The following SHCBP1 variants were observed in gnomAD, a reference collection of about 807,000 sequenced individuals.
SHCBP1 encodes the protein SHC SH2 domain-binding protein 1.
SHCBP1 carries 60 observed loss-of-function variants against 75.1 expected under a neutral mutation model. That is an observed-to-expected ratio of 0.80 (90% CI 0.65 to 0.99). The LOEUF (loss-of-function observed/expected upper bound fraction) is 0.99, where lower values mean the gene tolerates loss of function less well. Ranked by LOEUF, SHCBP1 falls within the 50% of genes least tolerant of loss-of-function variation. SHCBP1 has a pLI of 0.00. For missense variants in SHCBP1, 709 were observed against 809.4 expected (o/e 0.88, Z 1.50); for synonymous variants, 290 against 293.2 (o/e 0.99, Z 0.11).
intron 4 of SHCBP1, among the ~76,000 whole-genome samples, chr16:46,612,330 AG>A (rs1225209379): frequency 6.6e-6 from 1 of 152,242 alleles, no homozygotes; most frequent in Non-Finnish European, 1.5e-5. Flanking sequence ...CTGAGACACC[AG>A]GAAGTATAGA....
intron 12 of SHCBP1, among the ~76,000 whole-genome samples, 196 bp from the exon 13 acceptor site, chr16:46,582,250 T>C (rs894700480): frequency 6.6e-6 from 1 of 152,144 alleles, no homozygotes; most frequent in Non-Finnish European, 1.5e-5. Flanking sequence ...TCAACAGACA[T>C]TTCCTGGATA....
chr16:46,613,753 C>G lies in SHCBP1; in HGVS notation c.596+2193G>C, dbSNP rs1965454069. Among the ~76,000 whole-genome samples the G allele has an allele frequency of 3.3e-5, 5 of 152,226 alleles. No homozygotes were observed. The South Asian group carries it at 1.0e-3, about 31-fold the overall frequency. ...TATTTCATCAAGGCTCATCTCCCACCTTTAGACTGACAGCTCCCTGATGAT... is the reference window on the plus strand; with the variant it reads ...TATTTCATCAAGGCTCATCTCCCACGTTTAGACTGACAGCTCCCTGATGAT... On this transcript the variant is annotated intron_variant, in intron 4 of 12. Transcript: ENST00000303383.
At chr16:46,599,117 CT>C (rs1965188687) in intron 9 of SHCBP1, among the ~76,000 whole-genome samples, 1 of 152,200 alleles carries the variant, frequency 6.6e-6, no homozygotes, top group South Asian at 2.1e-4. Context: ...GACTGTTTCA[CT>C]TTCTTATCAT....
Position 46,621,374 on chromosome 16 carries a change from G to T in SHCBP1, c.-15C>A, listed in dbSNP as rs750302397. On this transcript the variant is annotated 5_prime_UTR_variant, in exon 1 of 13. Transcript: ENST00000303383. ...CCGTCAGCCATTTCAAATTTCCGCGGACGGCAGCCCAGGCAACGACGTGAT... is the reference window on the plus strand; with the variant it reads ...CCGTCAGCCATTTCAAATTTCCGCGTACGGCAGCCCAGGCAACGACGTGAT... The T allele has an allele frequency of 1.3e-5, 21 of 1,609,886 alleles. No individual in the cohort carries two copies. In the South Asian group the frequency reaches 2.3e-4, roughly 18 times the overall value.
At chr16:46,602,276 C>T (rs1965252003) in intron 8 of SHCBP1, among the ~76,000 whole-genome samples, 1 of 152,084 alleles carries the variant, frequency 6.6e-6, no homozygotes, top group African/African-American at 2.4e-5. Flanking sequence ...ATCTATTATA[C>T]ATCAAAAATT....
At chr16:46,599,669 TAAAAAA>T (rs1555519115) in intron 9 of SHCBP1, among the ~76,000 whole-genome samples, 156 bp downstream of exon 9, 3 of 23,136 alleles carry the variant, frequency 1.3e-4, no homozygotes, top group East Asian at 1.4e-3. Context: ...CTTCAATTTG[TAAAAAA>T]AAAAAAAAAA....
intron 8 of SHCBP1, among the ~76,000 whole-genome samples, chr16:46,602,098 T>C (rs1965247774): frequency 6.6e-6 from 1 of 152,184 alleles, no homozygotes; most frequent in Admixed American, 6.5e-5. Flanking sequence ...GCATTCTATA[T>C]GTCCATTTAT....
chr16:46,580,454 T>C lies in SHCBP1; in HGVS notation c.*1275A>G, dbSNP rs1227823736. The C allele has an allele frequency of 6.6e-6, 1 of 152,180 alleles. No individual in the cohort carries two copies. Among genetic ancestry groups the C allele is most frequent in the Admixed American group, 6.5e-5 (1 of 15,274 alleles). The allele number at this position is 152,180 out of a possible 1,614,324, so 9.4% of individuals were successfully genotyped here. ...AAAATGTAATACTCTTTCTAAAGCA[T>C]GAAAACAGATACCAAAATACCATGT... On this transcript the variant is annotated 3_prime_UTR_variant, in exon 13 of 13. Transcript: ENST00000303383.
intron 10 of SHCBP1, among the ~76,000 whole-genome samples, chr16:46,589,714 A>T (rs1596672006): frequency 6.6e-6 from 1 of 152,242 alleles, no homozygotes; most frequent in South Asian, 2.1e-4. Context: ...ATGGATAGGA[A>T]GAATCAATAT....
intron 1 of SHCBP1, among the ~76,000 whole-genome samples, chr16:46,618,899 A>C (rs762156921): frequency 6.6e-6 from 1 of 152,256 alleles, no homozygotes; most frequent in Non-Finnish European, 1.5e-5. Context: ...GCCAGTGATA[A>C]TAATCAAGTA....
intron 4 of SHCBP1, among the ~76,000 whole-genome samples, chr16:46,609,640 G>C (rs1167653480): frequency 2.0e-5 from 3 of 151,404 alleles, no homozygotes; most frequent in Non-Finnish European, 4.4e-5. Context: ...TTAGTAGAGA[G>C]GCATTTTGCC....
At chr16:46,595,438 G>A in intron 10 of SHCBP1, 114 bp downstream of exon 10, 1 of 843,158 alleles carries the variant, frequency 1.2e-6, no homozygotes, top group Non-Finnish European at 2.0e-6. Context: ...TGACTTGGTA[G>A]AGATGACTGT....
At position 46,581,944 on chromosome 16, in the gene SHCBP1, T is replaced by G; in HGVS notation, c.1804A>C (p.Thr602Pro). 1 of 1,614,210 alleles carries G rather than the reference T, an allele frequency of 6.2e-7. No individual in the cohort carries two copies. Among genetic ancestry groups the G allele is most frequent in the Non-Finnish European group, 8.5e-7 (1 of 1,180,030 alleles). Residue 602 changes from threonine (T) to proline (P), a missense_variant, in exon 13 of 13, where the codon ACT becomes CCT. Transcript: ENST00000303383. ...ATGKMELCARTDPSEQVEGNC... is the reference protein window; with the variant it reads ...ATGKMELCARPDPSEQVEGNC... ...CCCTCGACTTGCTCAGAAGGGTCAG[T>G]TCTTGCACAAAGCTCCATTTTACCA...
chr16:46,605,982 C>CA (rs1340490253), intron 5 of SHCBP1, among the ~76,000 whole-genome samples: 19 of 149,506 alleles, frequency 1.3e-4, no homozygotes, highest in African/African-American at 2.7e-4. Context: ...AAGGGAAAAA[C>CA]AAAAAAATTT....
intron 1 of SHCBP1, among the ~76,000 whole-genome samples, chr16:46,619,763 G>T (rs1203065052): frequency 6.6e-6 from 1 of 152,048 alleles, no homozygotes; most frequent in Non-Finnish European, 1.5e-5. Flanking sequence ...GGCCAGGCAC[G>T]GTGGCTCACA....
chr16:46,611,816 G>T (rs552975866), intron 4 of SHCBP1, among the ~76,000 whole-genome samples: 94 of 152,288 alleles, frequency 6.2e-4, no homozygotes, highest in African/African-American at 2.2e-3. Context: ...GATACAGGTT[G>T]TCAACCTGAT....
chr16:46,607,006 G>A (rs542729331), intron 5 of SHCBP1, among the ~76,000 whole-genome samples: 7 of 151,592 alleles, frequency 4.6e-5, no homozygotes, highest in East Asian at 1.9e-4. Context: ...TTTAGGTTTC[G>A]TAGAGGTGGG....
rs1315049716 is a variant in SHCBP1 at position 46,579,692 on chromosome 16, T to C, written c.*2037A>G. ...GCTCATGCCTGTAATCCCAGCACTT[T>C]GGGAGGCCAAGGTGGGTGGATCACT... On this transcript the variant is annotated 3_prime_UTR_variant, in exon 13 of 13. Transcript: ENST00000303383. 6.6e-6 allele frequency among the ~76,000 whole-genome samples: 1 copy of C among 151,882 alleles called. No individual in the cohort carries two copies. Among genetic ancestry groups the C allele is most frequent in the Non-Finnish European group, 1.5e-5 (1 of 67,996 alleles).
chr16:46,615,845 T>C, intron 4 of SHCBP1, 101 bp downstream of exon 4: 5 of 988,386 alleles, frequency 5.1e-6, no homozygotes, highest in Non-Finnish European at 7.9e-6. Flanking sequence ...TGACCAAGTT[T>C]ACAGTTGAGT....
Sources: allele counts gnomAD v4.1 joint callset (sites outside exome capture counted in the v4.1 genomes callset), GRCh38; gene constraint gnomAD v4.1.1; transcripts MANE v1.5; gene names NCBI Gene and HGNC (gene_info 2026-07-23, HGNC 2026-07-21).